The following SEMA3D variants were observed in gnomAD, a reference collection of about 807,000 sequenced individuals.
SEMA3D encodes semaphorin 3D, also known as semaphorin-3D.
SEMA3D carries 84 observed loss-of-function variants against 100.1 expected under a neutral mutation model. That is an observed-to-expected ratio of 0.84 (90% CI 0.70 to 1.01). SEMA3D has a LOEUF of 1.01. SEMA3D is among the 50% of genes least tolerant of loss of function. The pLI is 0.00. For synonymous variants in SEMA3D, 312 were observed against 320.7 expected (o/e 0.97, Z 0.29); for missense variants, 875 against 934.1 (o/e 0.94, Z 0.82).
chr7:85,061,014 C>T (rs1202356681), intron 8 of SEMA3D, among the ~76,000 whole-genome samples: 1 of 152,168 alleles, frequency 6.6e-6, no homozygotes, highest in African/African-American at 2.4e-5. Flanking sequence ...AAAAGCTCAA[C>T]TGCATTTGAG....
At chr7:85,189,200 G>C (rs531577678), upstream of SEMA3D, among the ~76,000 whole-genome samples, 1 of 152,074 alleles carries the variant, frequency 6.6e-6, no homozygotes, top group African/African-American at 2.4e-5. Flanking sequence ...CCATGGCTCC[G>C]TAATCTTCAG....
chr7:85,007,096 A>G (rs1789819691), intron 17 of SEMA3D, among the ~76,000 whole-genome samples, 155 bp from the exon 18 acceptor site: 1 of 151,910 alleles, frequency 6.6e-6, no homozygotes, highest in African/African-American at 2.4e-5. Context: ...CCTGAGACAA[A>G]TATTACACAA....
At chr7:85,142,672 G>A in intron 2 of SEMA3D, 1 of 788,922 alleles carries the variant, frequency 1.3e-6, no homozygotes, top group South Asian at 6.2e-5. Context: ...AAGAAGGATG[G>A]CATTTTTTTT....
intron 17 of SEMA3D, among the ~76,000 whole-genome samples, chr7:85,008,845 A>C (rs1789873016): frequency 6.6e-6 from 1 of 151,840 alleles, no homozygotes; most frequent in South Asian, 2.1e-4. Flanking sequence ...CAATGTACAC[A>C]AACTTTGTTT....
Position 85,097,981 on chromosome 7 carries a change from A to G in SEMA3D, c.152-16T>C. ...AGCAGCAAGTCTATGGAAAGCAAAA[A>G]AAGAAAAGAAAGGAGAAAGAAAAAA... On this transcript the variant is annotated splice_polypyrimidine_tract_variant and intron_variant, in intron 3 of 18. Transcript: ENST00000284136. 1 of 1,405,496 alleles carries G rather than the reference A, an allele frequency of 7.1e-7. No individual in the cohort carries two copies. The allele number at this position is 1,405,496 out of a possible 1,614,324, so 87.1% of individuals were successfully genotyped here.
At chr7:85,150,805 G>T (rs1447619245) in intron 2 of SEMA3D, among the ~76,000 whole-genome samples, 1 of 151,828 alleles carries the variant, frequency 6.6e-6, no homozygotes, top group Non-Finnish European at 1.5e-5. Flanking sequence ...CCTTATTGTG[G>T]TGCCACAATT....
chr7:84,999,907 G>A (rs371087262), intron 18 of SEMA3D, 42 bp from the exon 19 acceptor site: 28 of 1,521,646 alleles, frequency 1.8e-5, no homozygotes, highest in Non-Finnish European at 2.2e-5. Context: ...TAAACACAGA[G>A]AGAGCTAAGA....
the SEMA3D span, among the ~76,000 whole-genome samples, chr7:85,210,191 T>C: frequency 6.6e-6 from 1 of 152,092 alleles, no homozygotes; most frequent in African/African-American, 2.4e-5. Flanking sequence ...ATTGCAAATC[T>C]TCCTTTGGTC....
intron 12 of SEMA3D, among the ~76,000 whole-genome samples, chr7:85,031,933 C>T (rs928956329): frequency 6.6e-6 from 1 of 151,774 alleles, no homozygotes; most frequent in East Asian, 1.9e-4. Flanking sequence ...AAATTCAATG[C>T]AGCTAATTTT....
chr7:85,122,423 C>T (rs890758166), intron 2 of SEMA3D, among the ~76,000 whole-genome samples: 1 of 152,120 alleles, frequency 6.6e-6, no homozygotes, highest in African/African-American at 2.4e-5. Flanking sequence ...AAATGCACCA[C>T]AAGAATTTAA....
At chr7:85,234,648 C>G in the SEMA3D span, among the ~76,000 whole-genome samples, 1 of 152,128 alleles carries the variant, frequency 6.6e-6, no homozygotes, top group Non-Finnish European at 1.5e-5. Context: ...ACTTTTTACT[C>G]TCAATCTTGC....
In SEMA3D at chr7:85,065,561, G is replaced by C. The variant is rs1297775967; in HGVS notation, c.590-9C>G. On this transcript the variant is annotated splice_polypyrimidine_tract_variant and intron_variant, in intron 7 of 18. Coordinates refer to ENST00000284136, the MANE Select transcript of SEMA3D (RefSeq NM_001384900.1). Reference sequence around the variant, plus strand: ...AGAGTAGAGGTACTCATCTGAGAGGGAGAAAAAAGTACACAGAACTTTTAA... The same window carrying C: ...AGAGTAGAGGTACTCATCTGAGAGGCAGAAAAAAGTACACAGAACTTTTAA... 1 of 1,610,394 alleles carries C rather than the reference G, an allele frequency of 6.2e-7. No homozygotes were observed. Among genetic ancestry groups the C allele is most frequent in the African/African-American group, 1.3e-5 (1 of 74,740 alleles).
chr7:85,000,807 C>G (rs1369495074), intron 18 of SEMA3D, among the ~76,000 whole-genome samples: 1 of 152,086 alleles, frequency 6.6e-6, no homozygotes, highest in African/African-American at 2.4e-5. Context: ...TTCAGTAAAA[C>G]TAGAGGCATG....
the SEMA3D span, among the ~76,000 whole-genome samples, chr7:85,246,425 T>A: frequency 3.4e-4 from 51 of 152,064 alleles, no homozygotes; most frequent in Admixed American, 1.4e-3. Flanking sequence ...CAGATTTTTT[T>A]TTCTGTGGAG....
At chr7:85,035,387 C>G (rs1179187089) in intron 12 of SEMA3D, among the ~76,000 whole-genome samples, 2 of 151,598 alleles carry the variant, frequency 1.3e-5, no homozygotes, top group South Asian at 4.1e-4. Flanking sequence ...TAAAATGGGA[C>G]TGCATTCATC....
intron 2 of SEMA3D, among the ~76,000 whole-genome samples, chr7:85,143,567 A>C (rs1790115882): frequency 6.6e-6 from 1 of 152,180 alleles, no homozygotes; most frequent in African/African-American, 2.4e-5. Context: ...ATACAACAAA[A>C]ATAAAATATT....
At chr7:85,027,190 C>CATTT (rs1790414562) in intron 12 of SEMA3D, among the ~76,000 whole-genome samples, 1 of 151,960 alleles carries the variant, frequency 6.6e-6, no homozygotes. Flanking sequence ...CAGGGTAGTG[C>CATTT]ATTTGTAAGA....
chr7:85,055,159 CA>C (rs755163743), intron 9 of SEMA3D, among the ~76,000 whole-genome samples: 2 of 151,902 alleles, frequency 1.3e-5, no homozygotes, highest in Non-Finnish European at 2.9e-5. Context: ...AACAAAATTT[CA>C]ACTGATTTGA....
At chr7:85,088,158 G>T (rs1475311800) in intron 4 of SEMA3D, among the ~76,000 whole-genome samples, 1 of 151,964 alleles carries the variant, frequency 6.6e-6, no homozygotes, top group African/African-American at 2.4e-5. Context: ...CCTAACAATT[G>T]TTGTTTCACT....
Sources: allele counts gnomAD v4.1 joint callset (sites outside exome capture counted in the v4.1 genomes callset), GRCh38; gene constraint gnomAD v4.1.1; transcripts MANE v1.5; gene names NCBI Gene and HGNC (gene_info 2026-07-23, HGNC 2026-07-21).